FAM117A: variants seen among roughly 807,000 people sequenced by gnomAD.
FAM117A encodes family with sequence similarity 117 member A, also known as protein FAM117A.
Under a neutral mutation model 44.1 loss-of-function variants are expected in FAM117A, and 21 were observed. The observed-to-expected ratio is 0.48, with a 90% CI of 0.34 to 0.69. The LOEUF (loss-of-function observed/expected upper bound fraction) is 0.69, where lower values mean the gene tolerates loss of function less well. Ranked by LOEUF, FAM117A falls within the 30% of genes least tolerant of loss-of-function variation. The pLI is 0.01. For synonymous variants in FAM117A, 220 were observed against 238.3 expected (o/e 0.92, Z 0.71); for missense variants, 498 against 589.9 (o/e 0.84, Z 1.61).
chr17:49,717,413 A>G, intron 6 of FAM117A, 100 bp downstream of exon 6: 1 of 913,652 alleles, frequency 1.1e-6, no homozygotes. Flanking sequence ...CTAGTAGGGT[A>G]CTGAGAATGC....
intron 1 of FAM117A, among the ~76,000 whole-genome samples, chr17:49,744,148 C>T (rs753809887): frequency 5.3e-5 from 8 of 152,176 alleles, no homozygotes; most frequent in African/African-American, 1.2e-4. Flanking sequence ...AGTCATCACT[C>T]GGTATCCATG....
At chr17:49,732,770 G>T in intron 1 of FAM117A, 50 bp from the exon 2 acceptor site, 1 of 1,577,362 alleles carries the variant, frequency 6.3e-7, no homozygotes, top group Non-Finnish European at 8.6e-7. Flanking sequence ...GGAGGAAGGA[G>T]ACGTGGCAAT....
intron 1 of FAM117A, among the ~76,000 whole-genome samples, chr17:49,745,800 G>T (rs1273837643): frequency 1.3e-5 from 2 of 152,192 alleles, no homozygotes; most frequent in African/African-American, 2.4e-5. Flanking sequence ...AACAGGAATG[G>T]GAAGTAGTTC....
chr17:49,763,251 A>G (rs1424380190), intron 1 of FAM117A, among the ~76,000 whole-genome samples: 1 of 152,050 alleles, frequency 6.6e-6, no homozygotes, highest in Non-Finnish European at 1.5e-5. Flanking sequence ...ACACAGGGAG[A>G]AGAATGCAGG....
intron 1 of FAM117A, among the ~76,000 whole-genome samples, chr17:49,770,398 G>A (rs1181002744): frequency 1.3e-5 from 2 of 151,892 alleles, no homozygotes; most frequent in East Asian, 1.9e-4. Flanking sequence ...GAAGCCAGGC[G>A]CAAAGAACTA....
At chr17:49,765,693 A>C (rs768115426), upstream of FAM117A, 6 of 152,222 alleles carry the variant, frequency 3.9e-5, no homozygotes, top group Non-Finnish European at 7.3e-5. Flanking sequence ...CTACTTTTCC[A>C]TGAAGAGGAC....
chr17:49,788,469 AC>A (rs945388203), intron 1 of FAM117A: 32 of 255,354 alleles, frequency 1.3e-4, no homozygotes, highest in African/African-American at 6.9e-4. Flanking sequence ...AAGAATGGCT[AC>A]CCACGCCCAC....
intron 5 of FAM117A, 126 bp from the exon 6 acceptor site, chr17:49,717,840 C>T: frequency 1.4e-6 from 1 of 724,182 alleles, no homozygotes; most frequent in Non-Finnish European, 2.2e-6. Context: ...CACAGAACAC[C>T]ATTTCCTCCA....
At chr17:49,738,038 A>T (rs2073618246) in intron 1 of FAM117A, among the ~76,000 whole-genome samples, 1 of 152,124 alleles carries the variant, frequency 6.6e-6, no homozygotes, top group Admixed American at 6.6e-5. Flanking sequence ...GTCTCCAATG[A>T]CCTATTTTTT....
intron 7 of FAM117A, among the ~76,000 whole-genome samples, chr17:49,712,809 G>A (rs1241122778): frequency 6.6e-6 from 1 of 152,128 alleles, no homozygotes; most frequent in Non-Finnish European, 1.5e-5. Flanking sequence ...AGACCTTATC[G>A]GAAGATCTGG....
chr17:49,716,417 G>T, intron 6 of FAM117A, 102 bp from the exon 7 acceptor site: 1 of 1,026,668 alleles, frequency 9.7e-7, no homozygotes, highest in Non-Finnish European at 1.4e-6. Flanking sequence ...GGGACACATG[G>T]TAAGGAAGAG....
chr17:49,768,918 C>T (rs186120319), upstream of FAM117A, among the ~76,000 whole-genome samples: 1 of 152,344 alleles, frequency 6.6e-6, no homozygotes, highest in African/African-American at 2.4e-5. Context: ...CTTCTTCATT[C>T]AGACTGGCTG....
At chr17:49,772,636 C>T (rs1354852361) in intron 1 of FAM117A, among the ~76,000 whole-genome samples, 5 of 151,864 alleles carry the variant, frequency 3.3e-5, no homozygotes, top group African/African-American at 1.2e-4. Flanking sequence ...CCTGTAGTCC[C>T]AGCTAGTTGG....
chr17:49,748,005 A>G (rs1483682637), intron 1 of FAM117A, among the ~76,000 whole-genome samples: 1 of 152,112 alleles, frequency 6.6e-6, no homozygotes, highest in African/African-American at 2.4e-5. Context: ...TCCTACCCTC[A>G]ATATATGCTG....
chr17:49,786,296 T>C (rs1358338225), intron 1 of FAM117A, among the ~76,000 whole-genome samples: 2 of 152,196 alleles, frequency 1.3e-5, no homozygotes, highest in Non-Finnish European at 2.9e-5. Context: ...GTCGAACATC[T>C]GTAATGCTGG....
intron 1 of FAM117A, among the ~76,000 whole-genome samples, chr17:49,763,233 C>T (rs959639038): frequency 6.6e-6 from 1 of 151,848 alleles, no homozygotes; most frequent in Non-Finnish European, 1.5e-5. Context: ...GAACGTACAA[C>T]TTCTGGGACA....
Position 49,717,685 on chromosome 17 carries a change from G to A in FAM117A, c.738C>T (p.Ala246=), listed in dbSNP as rs2073511524. ...AGCTGCCACTCTGGGGAGGAGCTGG[G>A]GCCCGGTGCCCATCAGGGATATCAA... is the stretch of plus-strand genomic sequence containing the variant. ...RILDIPDGHR[A]PAPPQSGSCD... The change falls in exon 6 of 8, where the codon GCC becomes GCT. Residue 246 remains alanine, a synonymous_variant. Coordinates refer to ENST00000240364, the MANE Select transcript of FAM117A (RefSeq NM_030802.4). 2.5e-6 allele frequency: 4 copies of A among 1,612,082 alleles called. No individual in the cohort carries two copies. Among genetic ancestry groups the A allele is most frequent in the Non-Finnish European group, 3.4e-6 (4 of 1,178,742 alleles).
At chr17:49,786,778 G>GAAAA (rs35017139) in intron 1 of FAM117A, among the ~76,000 whole-genome samples, 1 of 117,204 alleles carries the variant, frequency 8.5e-6, no homozygotes, top group Non-Finnish European at 1.8e-5. Flanking sequence ...CCCTGTCTCA[G>GAAAA]AAAAAAAAAA....
intron 1 of FAM117A, among the ~76,000 whole-genome samples, chr17:49,770,269 CAAAAAAAAAAAA>C (rs57966452): frequency 1.4e-5 from 1 of 69,820 alleles, no homozygotes. Flanking sequence ...GACTCTGTAT[CAAAAAAAAAAAA>C]AAAAAAAAAA....
Sources: allele counts gnomAD v4.1 joint callset (sites outside exome capture counted in the v4.1 genomes callset), GRCh38; gene constraint gnomAD v4.1.1; transcripts MANE v1.5; gene names NCBI Gene and HGNC (gene_info 2026-07-23, HGNC 2026-07-21).